Variants in RNF150 observed in about 807,000 individuals in gnomAD.
The protein encoded by RNF150 is ring finger protein 150.
RNF150 carries 24 observed loss-of-function variants against 39.3 expected under a neutral mutation model. The observed-to-expected ratio is 0.61, with a 90% CI of 0.44 to 0.86. The LOEUF is 0.86. RNF150 is among the 40% of genes least tolerant of loss of function. RNF150 has a pLI of 0.00. For missense variants in RNF150, 502 were observed against 587.8 expected (o/e 0.85, Z 1.51); for synonymous variants, 255 against 227.3 (o/e 1.12, Z -1.10).
At chr4:140,875,040 G>A (rs1464801920) in intron 6 of RNF150, among the ~76,000 whole-genome samples, 1 of 151,926 alleles carries the variant, frequency 6.6e-6, no homozygotes, top group Non-Finnish European at 1.5e-5. Flanking sequence ...CCATTTTCAG[G>A]TAATAAAACC....
At chr4:141,154,227 A>G (rs917134289) in intron 1 of RNF150, among the ~76,000 whole-genome samples, 5 of 152,224 alleles carry the variant, frequency 3.3e-5, no homozygotes, top group Non-Finnish European at 7.3e-5. Context: ...CTCTGTGTCC[A>G]GTTGATAGTA....
chr4:141,075,246 C>T (rs766457831), intron 1 of RNF150, among the ~76,000 whole-genome samples: 24 of 152,162 alleles, frequency 1.6e-4, no homozygotes, highest in Non-Finnish European at 2.8e-4. Context: ...CACTGTAATG[C>T]GAAAGCAGCT....
Position 140,912,959 on chromosome 4 carries a change from TAAAAAA to T in RNF150, c.988-1611_988-1606del, listed in dbSNP as rs10616886. Among the ~76,000 whole-genome samples, 430 of 138,132 alleles carry T rather than the reference TAAAAAA, an allele frequency of 3.1e-3. 2 individuals are homozygous for T. Among genetic ancestry groups the T allele is most frequent in the Middle Eastern group, 0.011 (3 of 278 alleles). 90.6% of individuals were successfully genotyped at this position (138,132 alleles called of 152,430 possible). ...CAGTCTGCACTCTCTCATCAGAACA[TAAAAAA>T]AAAAAAAAAAAAAAAAAAACACCAT... On this transcript the variant is annotated intron_variant, in intron 5 of 6. Transcript: ENST00000515673.
chr4:141,112,922 C>T (rs1343485941), intron 1 of RNF150, among the ~76,000 whole-genome samples: 1 of 151,902 alleles, frequency 6.6e-6, no homozygotes, highest in Non-Finnish European at 1.5e-5. Context: ...TTTGTTCGTT[C>T]GTTTTCATTC....
At chr4:140,999,993 A>AGAAGAAG (rs1414434256) in intron 1 of RNF150, among the ~76,000 whole-genome samples, 2 of 63,302 alleles carry the variant, frequency 3.2e-5, no homozygotes, top group Non-Finnish European at 3.5e-5. Flanking sequence ...GAAAAGAAGA[A>AGAAGAAG]AAGAAGAAGA....
intron 4 of RNF150, 83 bp downstream of exon 4, chr4:140,947,571 C>T: frequency 1.1e-6 from 1 of 917,182 alleles, no homozygotes; most frequent in Non-Finnish European, 1.8e-6. Flanking sequence ...CAGCACTATG[C>T]CCAGCAGGTC....
At chr4:140,871,687 T>C (rs1346077069) in intron 6 of RNF150, among the ~76,000 whole-genome samples, 1 of 152,210 alleles carries the variant, frequency 6.6e-6, no homozygotes, top group Non-Finnish European at 1.5e-5. Context: ...TACAGTTCTA[T>C]AGAGACAGAA....
intron 1 of RNF150, among the ~76,000 whole-genome samples, chr4:141,052,398 T>C (rs1270096510): frequency 6.6e-6 from 1 of 152,168 alleles, no homozygotes; most frequent in Non-Finnish European, 1.5e-5. Flanking sequence ...TTTTTTGAGA[T>C]GGAGGCTCAC....
chr4:141,140,917 A>T (rs1212481519), intron 1 of RNF150, among the ~76,000 whole-genome samples: 2 of 152,222 alleles, frequency 1.3e-5, no homozygotes, highest in East Asian at 3.8e-4. Context: ...CTGCAAACAC[A>T]GGTGTCAGAG....
intron 2 of RNF150, among the ~76,000 whole-genome samples, chr4:140,961,239 T>G (rs911707079): frequency 6.6e-6 from 1 of 152,166 alleles, no homozygotes; most frequent in Non-Finnish European, 1.5e-5. Context: ...TTAGCAAATA[T>G]TACTTCATGG....
chr4:140,910,732 C>T (rs1318362214), intron 6 of RNF150, among the ~76,000 whole-genome samples: 2 of 152,094 alleles, frequency 1.3e-5, no homozygotes, highest in African/African-American at 4.8e-5. Flanking sequence ...TACACACATG[C>T]GAGCATGCGC....
At chr4:140,954,953 C>T (rs189758693) in intron 2 of RNF150, among the ~76,000 whole-genome samples, 20 of 152,128 alleles carry the variant, frequency 1.3e-4, no homozygotes, top group Admixed American at 3.3e-4. Context: ...TTTTCCCTAA[C>T]AGCTGTATTT....
intron 1 of RNF150, among the ~76,000 whole-genome samples, chr4:141,193,203 A>G (rs796121240): frequency 1.3e-5 from 2 of 152,374 alleles, no homozygotes; most frequent in South Asian, 2.1e-4. Context: ...TCACTACTGT[A>G]TCTTAGCAAT....
At chr4:140,918,897 T>A (rs1442271700) in intron 5 of RNF150, among the ~76,000 whole-genome samples, 3 of 152,082 alleles carry the variant, frequency 2.0e-5, no homozygotes, top group Non-Finnish European at 2.9e-5. Flanking sequence ...AAATCAATAA[T>A]TCTAATCCAG....
chr4:141,136,675 T>G (rs949453897), upstream of RNF150, among the ~76,000 whole-genome samples: 2 of 152,220 alleles, frequency 1.3e-5, no homozygotes, highest in South Asian at 4.1e-4. Context: ...GAGCACCTGT[T>G]AACGCATTGG....
intron 6 of RNF150, among the ~76,000 whole-genome samples, chr4:140,875,320 G>A (rs1355222177): frequency 6.6e-6 from 1 of 151,996 alleles, no homozygotes; most frequent in Non-Finnish European, 1.5e-5. Context: ...CTATTGGCAT[G>A]CACCACCCAT....
chr4:141,158,127 C>T (rs534451431), intron 1 of RNF150, among the ~76,000 whole-genome samples: 1 of 152,230 alleles, frequency 6.6e-6, no homozygotes, highest in East Asian at 1.9e-4. Flanking sequence ...CCCATCTCTA[C>T]TAAAAATACA....
chr4:140,903,994 C>T (rs1303842837), intron 6 of RNF150, among the ~76,000 whole-genome samples: 3 of 152,188 alleles, frequency 2.0e-5, no homozygotes, highest in Non-Finnish European at 2.9e-5. Flanking sequence ...CTTGGATTGG[C>T]AAGTGTTTTC....
At chr4:141,046,683 A>G (rs768500934) in intron 1 of RNF150, among the ~76,000 whole-genome samples, 2 of 152,148 alleles carry the variant, frequency 1.3e-5, no homozygotes, top group Non-Finnish European at 2.9e-5. Context: ...GATTAATTCA[A>G]CTCAAAAGGC....
Sources: gnomAD v4.1 joint callset for allele counts (sites outside exome capture counted in the v4.1 genomes callset) on GRCh38, gnomAD v4.1.1 for gene constraint, MANE v1.5 for transcripts, NCBI Gene and HGNC (gene_info 2026-07-23, HGNC 2026-07-21) for gene names.